PRKN: variants seen among roughly 807,000 people sequenced by gnomAD.
The protein encoded by PRKN is parkin RBR E3 ubiquitin protein ligase.
Under a neutral mutation model 59.5 loss-of-function variants are expected in PRKN, and 56 were observed. That is an observed-to-expected ratio of 0.94 (90% CI 0.76 to 1.18). The LOEUF (loss-of-function observed/expected upper bound fraction) is 1.18, where lower values mean the gene tolerates loss of function less well. Among genes scored for constraint, PRKN ranks in the 50% most tolerant of loss-of-function variants. PRKN has a pLI of 0.00. For missense variants in PRKN, 657 were observed against 596.4 expected, an observed-to-expected ratio of 1.10 and a Z score of -1.06; for synonymous variants, 250 against 222.1, an observed-to-expected ratio of 1.13 and a Z score of -1.12.
intron 1 of PRKN, among the ~76,000 whole-genome samples, chr6:162,684,262 G>A (rs1779883882): frequency 1.3e-5 from 2 of 151,392 alleles, no homozygotes; most frequent in African/African-American, 4.8e-5. Context: ...TTTTTTTCCA[G>A]TGTTTTCTAC....
chr6:162,708,997 C>T (rs188032881), intron 1 of PRKN, among the ~76,000 whole-genome samples: 3 of 152,202 alleles, frequency 2.0e-5, no homozygotes, highest in South Asian at 2.1e-4. Context: ...AGATTCTCAC[C>T]GGAGCGTGAA....
intron 4 of PRKN, among the ~76,000 whole-genome samples, chr6:162,092,596 GT>G (rs1170705764): frequency 1.3e-5 from 2 of 152,102 alleles, no homozygotes; most frequent in African/African-American, 4.8e-5. Context: ...TACTCCATAA[GT>G]CTGAAATACA....
At chr6:162,261,357 G>A (rs1779878136) in intron 3 of PRKN, among the ~76,000 whole-genome samples, 1 of 152,030 alleles carries the variant, frequency 6.6e-6, no homozygotes, top group African/African-American at 2.4e-5. Flanking sequence ...GGCATATTTT[G>A]GGGTGGCATA....
chr6:162,353,430 C>T (rs1301809918), intron 2 of PRKN, among the ~76,000 whole-genome samples: 2 of 151,434 alleles, frequency 1.3e-5, no homozygotes, highest in Non-Finnish European at 2.9e-5. Context: ...TGCTATTTAG[C>T]TATTATATAT....
chr6:162,106,867 CA>C (rs756369023), intron 4 of PRKN, among the ~76,000 whole-genome samples: 15 of 152,166 alleles, frequency 9.9e-5, no homozygotes, highest in Non-Finnish European at 1.9e-4. Context: ...CCCAGAAGGG[CA>C]AAAAGGCAAT....
At chr6:161,439,232 G>A (rs1459143214) in intron 9 of PRKN, among the ~76,000 whole-genome samples, 1 of 152,094 alleles carries the variant, frequency 6.6e-6, no homozygotes, top group African/African-American at 2.4e-5. Flanking sequence ...CATTAGTCCC[G>A]GGCTCACGGC....
At chr6:161,875,305 A>T (rs1794693942) in intron 6 of PRKN, among the ~76,000 whole-genome samples, 1 of 150,394 alleles carries the variant, frequency 6.6e-6, no homozygotes, top group Non-Finnish European at 1.5e-5. Context: ...AGTTATTCTC[A>T]TGCCTCAGCC....
At chr6:162,706,263 T>C (rs1488881996) in intron 1 of PRKN, among the ~76,000 whole-genome samples, 1 of 152,150 alleles carries the variant, frequency 6.6e-6, no homozygotes, top group Non-Finnish European at 1.5e-5. Flanking sequence ...AAGAAACAGA[T>C]TGTGCTCGTC....
chr6:161,723,733 G>C (rs913318731), intron 7 of PRKN, among the ~76,000 whole-genome samples: 3 of 152,160 alleles, frequency 2.0e-5, no homozygotes, highest in Non-Finnish European at 4.4e-5. Flanking sequence ...AAAAGAAAGT[G>C]GAGCCACAGA....
chr6:162,397,685 T>G (rs1413180913), intron 2 of PRKN, among the ~76,000 whole-genome samples: 1 of 152,090 alleles, frequency 6.6e-6, no homozygotes, highest in Non-Finnish European at 1.5e-5. Context: ...TGACATTGAG[T>G]GTTAGGGAAC....
At chr6:161,809,260 G>T (rs896614890) in intron 6 of PRKN, among the ~76,000 whole-genome samples, 1 of 151,026 alleles carries the variant, frequency 6.6e-6, no homozygotes, top group Non-Finnish European at 1.5e-5. Flanking sequence ...CAAAGGCAGG[G>T]GGGGAAGGGG....
chr6:161,619,665 C>G (rs1346139564), intron 7 of PRKN, among the ~76,000 whole-genome samples: 2 of 152,018 alleles, frequency 1.3e-5, no homozygotes, highest in Non-Finnish European at 2.9e-5. Context: ...CAGCAGTAGC[C>G]CTTGACTTGA....
chr6:161,630,957 T>C (rs1350297670), intron 7 of PRKN, among the ~76,000 whole-genome samples: 1 of 152,214 alleles, frequency 6.6e-6, no homozygotes, highest in East Asian at 1.9e-4. Flanking sequence ...AAAACAATCC[T>C]TTAAGGGCTG....
At chr6:162,162,357 A>C (rs1020424659) in intron 4 of PRKN, among the ~76,000 whole-genome samples, 1 of 152,146 alleles carries the variant, frequency 6.6e-6, no homozygotes, top group Non-Finnish European at 1.5e-5. Context: ...ATACTGTACC[A>C]ATTTACATCA....
chr6:162,637,625 C>T (rs185952038), intron 1 of PRKN, among the ~76,000 whole-genome samples: 4 of 152,176 alleles, frequency 2.6e-5, no homozygotes, highest in African/African-American at 7.2e-5. Flanking sequence ...AAACTTTGAC[C>T]TCATATTTGA....
At chr6:162,424,789 G>C (rs374006959) in intron 2 of PRKN, among the ~76,000 whole-genome samples, 2 of 151,944 alleles carry the variant, frequency 1.3e-5, no homozygotes, top group East Asian at 3.9e-4. Context: ...GGATGGGGGT[G>C]GGAATGTTGA....
intron 7 of PRKN, among the ~76,000 whole-genome samples, chr6:161,625,847 C>T (rs1783065559): frequency 1.3e-5 from 2 of 152,112 alleles, no homozygotes; most frequent in African/African-American, 2.4e-5. Flanking sequence ...GATACCCTTC[C>T]CTTAGTCACA....
intron 8 of PRKN, among the ~76,000 whole-genome samples, chr6:161,558,286 G>T (rs767731331): frequency 6.6e-6 from 1 of 152,202 alleles, no homozygotes; most frequent in Non-Finnish European, 1.5e-5. Flanking sequence ...ATTCAGTCAG[G>T]TATAGTGACT....
chr6:161,781,076 A>G (rs1161245720), intron 7 of PRKN, among the ~76,000 whole-genome samples: 1 of 152,240 alleles, frequency 6.6e-6, no homozygotes, highest in East Asian at 1.9e-4. Flanking sequence ...GAACCATGCC[A>G]TGTGGAAGAC....
Sources: gnomAD v4.1 joint callset for allele counts (sites outside exome capture counted in the v4.1 genomes callset) on GRCh38, gnomAD v4.1.1 for gene constraint, MANE v1.5 for transcripts, NCBI Gene and HGNC (gene_info 2026-07-23, HGNC 2026-07-21) for gene names.